RBM20: variants seen among roughly 807,000 people sequenced by gnomAD.
The protein encoded by RBM20 is RNA binding motif protein 20.
Under a neutral mutation model 110.1 loss-of-function variants are expected in RBM20, and 51 were observed. The ratio of observed to expected loss-of-function variants is 0.46; its 90% CI spans 0.37 to 0.59. The LOEUF (loss-of-function observed/expected upper bound fraction) is 0.59, where lower values mean the gene tolerates loss of function less well. Among genes scored for constraint, RBM20 ranks in the 20% least tolerant of loss-of-function variants. RBM20 has a pLI of 0.00. For synonymous variants in RBM20, 589 were observed against 618.2 expected (o/e 0.95, Z 0.70); for missense variants, 1,512 against 1,574.9 (o/e 0.96, Z 0.68).
chr10:110,662,767 C>T (rs1862123811), intron 1 of RBM20, among the ~76,000 whole-genome samples: 1 of 152,202 alleles, frequency 6.6e-6, no homozygotes, highest in South Asian at 2.1e-4. Context: ...ACCCAGATGT[C>T]CATCACCAGG....
chr10:110,689,822 T>A (rs1280899135), intron 1 of RBM20, among the ~76,000 whole-genome samples: 1 of 152,198 alleles, frequency 6.6e-6, no homozygotes, highest in Non-Finnish European at 1.5e-5. Context: ...CTTCATATCA[T>A]CAAGAAGCTG....
chr10:110,824,299 C>T (rs1844954824), intron 12 of RBM20, among the ~76,000 whole-genome samples: 2 of 152,178 alleles, frequency 1.3e-5, no homozygotes, highest in Admixed American at 6.5e-5. Flanking sequence ...AAATGAACTT[C>T]GTCTGCTATT....
intron 8 of RBM20, 120 bp from the exon 9 acceptor site, chr10:110,812,158 T>G: frequency 1.1e-6 from 1 of 893,380 alleles, no homozygotes; most frequent in Non-Finnish European, 1.7e-6. Context: ...GAGTTGGGAG[T>G]TAAGAGTGTA....
At chr10:110,716,923 GAAAAAA>G (rs34627248) in intron 1 of RBM20, among the ~76,000 whole-genome samples, 7 of 144,526 alleles carry the variant, frequency 4.8e-5, no homozygotes, top group Non-Finnish European at 7.6e-5. Context: ...AAAAAAAAAA[GAAAAAA>G]AAAAAAGATT....
chr10:110,746,362 T>A (rs1843780541), intron 1 of RBM20, among the ~76,000 whole-genome samples: 1 of 152,220 alleles, frequency 6.6e-6, no homozygotes, highest in Admixed American at 6.5e-5. Flanking sequence ...TCCAGGAATT[T>A]GTGGCCATAT....
In RBM20 at chr10:110,802,383, C is replaced by CTT. The variant is rs200758964; in HGVS notation, c.1800+2482_1800+2483dup. 3.6e-3 allele frequency among the ~76,000 whole-genome samples: 484 copies of CTT among 135,196 alleles called. 4 individuals carry two copies. Among genetic ancestry groups the CTT allele is most frequent in the South Asian group, 0.014 (58 of 4,138 alleles). The allele number at this position is 135,196 out of a possible 152,430, so 88.7% of individuals were successfully genotyped here. A position where few individuals can be genotyped will look rare whatever the true frequency, so the allele number is the denominator to read the frequency against. On this transcript the variant is annotated intron_variant, in intron 7 of 13. Coordinates refer to ENST00000369519, the MANE Select transcript of RBM20 (RefSeq NM_001134363.3). ...CAGTTCTCCTTCAGGCAGAACCTGG[C>CTT]TTTTTTTTTTTTTTTTTTCCTAATA...
intron 1 of RBM20, among the ~76,000 whole-genome samples, chr10:110,725,088 C>T (rs979498094): frequency 1.3e-5 from 2 of 152,030 alleles, no homozygotes; most frequent in African/African-American, 4.8e-5. Context: ...ATAGCTCTTT[C>T]CCATCTACAC....
In RBM20 at chr10:110,836,774, C is replaced by T. The variant is rs931917123; in HGVS notation, c.*796C>T. The stretch of plus-strand genomic sequence containing the variant: ...CCCTCCTCTTGATTTCAGGAGATGT[C>T]AGGGTTTTTCTATTCTGGACAATGA... On this transcript the variant is annotated 3_prime_UTR_variant, in exon 14 of 14. Coordinates refer to ENST00000369519, the MANE Select transcript of RBM20 (RefSeq NM_001134363.3). 3 of 152,172 alleles carry T rather than the reference C, an allele frequency of 2.0e-5. No individual in the cohort carries two copies. Among genetic ancestry groups the T allele is most frequent in the Non-Finnish European group, 4.4e-5 (3 of 68,024 alleles). 9.4% of individuals were successfully genotyped at this position (152,172 alleles called of 1,614,324 possible).
intron 1 of RBM20, among the ~76,000 whole-genome samples, chr10:110,733,694 C>T (rs753390154): frequency 7.2e-5 from 11 of 152,220 alleles, no homozygotes; most frequent in Non-Finnish European, 1.5e-4. Flanking sequence ...CCCACACTGG[C>T]GTGGCTCGGC....
intron 1 of RBM20, among the ~76,000 whole-genome samples, chr10:110,668,426 T>A (rs1862211021): frequency 1.3e-5 from 2 of 152,260 alleles, no homozygotes; most frequent in Non-Finnish European, 1.5e-5. Flanking sequence ...GGCCATTTTG[T>A]GATGCGTAAA....
At chr10:110,676,652 CAA>C (rs1465578187) in intron 1 of RBM20, among the ~76,000 whole-genome samples, 3 of 152,212 alleles carry the variant, frequency 2.0e-5, no homozygotes, top group Non-Finnish European at 2.9e-5. Flanking sequence ...TCAAAATTCA[CAA>C]AGTGTCTATC....
intron 1 of RBM20, among the ~76,000 whole-genome samples, chr10:110,690,798 A>T: frequency 6.6e-6 from 1 of 152,330 alleles, no homozygotes; most frequent in African/African-American, 2.4e-5. Context: ...TTATCCATTC[A>T]TCTGTTGATG....
rs532301283 is a variant in RBM20, at chr10:110,693,387, T to C, written c.191+48742T>C. Among the ~76,000 whole-genome samples, 4 of 152,308 alleles carry C rather than the reference T, an allele frequency of 2.6e-5. No individual in the cohort carries two copies. The South Asian group carries it at 8.3e-4, about 32-fold the overall frequency. On this transcript the variant is annotated intron_variant, in intron 1 of 13. Transcript: ENST00000369519. Reference sequence around the variant, plus strand: ...AGAATTTACCAGTGAAGCTATCTGGTCCAGGGATTTTCTTTGTTAGGAGGT... The same window carrying C: ...AGAATTTACCAGTGAAGCTATCTGGCCCAGGGATTTTCTTTGTTAGGAGGT...
chr10:110,647,522 G>A (rs1861885574), intron 1 of RBM20, among the ~76,000 whole-genome samples: 1 of 151,962 alleles, frequency 6.6e-6, no homozygotes, highest in Non-Finnish European at 1.5e-5. Context: ...AGGCATTATT[G>A]TATATAAAAC....
intron 5 of RBM20, among the ~76,000 whole-genome samples, chr10:110,794,871 A>C (rs994045364): frequency 1.1e-4 from 16 of 152,168 alleles, no homozygotes; most frequent in Non-Finnish European, 2.4e-4. Flanking sequence ...TTTTTCTACT[A>C]CCCAGCAGCA....
intron 1 of RBM20, among the ~76,000 whole-genome samples, chr10:110,704,479 T>A (rs1460931878): frequency 2.6e-5 from 4 of 152,242 alleles, no homozygotes; most frequent in Non-Finnish European, 5.9e-5. Flanking sequence ...CTTTAATAAT[T>A]ATAAAAAACA....
chr10:110,835,205 T>C (rs2135146362), intron 13 of RBM20: 1 of 152,334 alleles, frequency 6.6e-6, no homozygotes, highest in Middle Eastern at 3.4e-3. Context: ...CAGAGTTGTT[T>C]TGGGAGTTAA....
In RBM20 at chr10:110,784,745, A is replaced by T. The variant is rs992323662; in HGVS notation, c.1430-47A>T. The T allele has an allele frequency of 1.8e-5, 22 of 1,207,862 alleles. No individual in the cohort carries two copies. In the African/African-American group the frequency reaches 2.7e-4, roughly 15 times the overall value. 74.8% of individuals were successfully genotyped at this position (1,207,862 alleles called of 1,614,324 possible). A position where few individuals can be genotyped will look rare whatever the true frequency, so the allele number is the denominator to read the frequency against. ...GCTTATGTCCTAATAATGACTTTTG[A>T]TGTTACATTCTGGGTTTTCACTGAC... On this transcript the variant is annotated intron_variant, in intron 4 of 13. Transcript: ENST00000369519.
At chr10:110,671,144 G>T (rs1862251992) in intron 1 of RBM20, among the ~76,000 whole-genome samples, 1 of 152,200 alleles carries the variant, frequency 6.6e-6, no homozygotes, top group African/African-American at 2.4e-5. Flanking sequence ...CATCTTCAGG[G>T]ATCGCTGGAG....
Sources: allele counts gnomAD v4.1 joint callset (sites outside exome capture counted in the v4.1 genomes callset), GRCh38; gene constraint gnomAD v4.1.1; transcripts MANE v1.5; gene names NCBI Gene and HGNC (gene_info 2026-07-23, HGNC 2026-07-21).